Variants in PLXNA4 observed in about 807,000 individuals in gnomAD.
The protein encoded by PLXNA4 is plexin-A4.
A neutral mutation model predicts 191.8 loss-of-function variants in PLXNA4; 44 were observed. That is an observed-to-expected ratio of 0.23 (90% CI 0.18 to 0.29). The LOEUF is 0.29. Ranked by LOEUF, PLXNA4 falls within the 10% of genes least tolerant of loss-of-function variation. PLXNA4 has a pLI of 1.00. For missense variants in PLXNA4, 1,800 were observed against 2,488.8 expected, an observed-to-expected ratio of 0.72 and a Z score of 5.89; for synonymous variants, 1,082 against 1,009.5, an observed-to-expected ratio of 1.07 and a Z score of -1.36.
chr7:132,608,689 C>T (rs1176002789), intron 2 of PLXNA4, among the ~76,000 whole-genome samples: 2 of 152,102 alleles, frequency 1.3e-5, no homozygotes, highest in African/African-American at 4.8e-5. Context: ...CAGCATCCCC[C>T]ACCCCCGCAC....
At chr7:132,636,507 C>T (rs779380971) in intron 2 of PLXNA4, among the ~76,000 whole-genome samples, 11 of 152,184 alleles carry the variant, frequency 7.2e-5, no homozygotes, top group African/African-American at 1.2e-4. Flanking sequence ...TATTATCCCA[C>T]ACTCTCGGCT....
chr7:132,178,878 T>C (rs1175866315), intron 20 of PLXNA4, among the ~76,000 whole-genome samples: 9 of 118,550 alleles, frequency 7.6e-5, no homozygotes, highest in East Asian at 2.9e-4. Flanking sequence ...ACACACAGCC[T>C]CCAGCACTGC....
rs541062490 is a variant in PLXNA4, at chr7:132,385,247, G to A, written c.1372-87025C>T. The A allele has an allele frequency of 1.5e-5, 24 of 1,614,000 alleles. No individual in the cohort carries two copies. In the South Asian group the frequency reaches 1.5e-4, roughly 10 times the overall value. On this transcript the variant is annotated intron_variant, in intron 3 of 31. Coordinates refer to ENST00000321063, the MANE Select transcript of PLXNA4 (RefSeq NM_020911.2). ...AGAGTCACTGTTGCTCTGTGGGATCGGGGTCCCGTCTGTAGCTCAAGGGTA... is the reference window on the plus strand; with the variant it reads ...AGAGTCACTGTTGCTCTGTGGGATCAGGGTCCCGTCTGTAGCTCAAGGGTA...
At chr7:132,152,264 T>C (rs1232485213) in intron 25 of PLXNA4, among the ~76,000 whole-genome samples, 1 of 152,108 alleles carries the variant, frequency 6.6e-6, no homozygotes, top group Non-Finnish European at 1.5e-5. Flanking sequence ...GCTGGGCTCA[T>C]AAAATCTCAT....
intron 4 of PLXNA4, among the ~76,000 whole-genome samples, chr7:132,295,749 C>A (rs1801053876): frequency 6.6e-6 from 1 of 152,136 alleles, no homozygotes. Context: ...CCAGCCCCTG[C>A]CTGACTCTAA....
intron 2 of PLXNA4, among the ~76,000 whole-genome samples, chr7:132,600,652 C>T (rs904989492): frequency 3.3e-5 from 5 of 152,330 alleles, no homozygotes; most frequent in South Asian, 2.1e-4. Context: ...GGATTACAGG[C>T]ATGAACCATG....
intron 3 of PLXNA4, among the ~76,000 whole-genome samples, chr7:132,305,473 G>A (rs1399760178): frequency 1.3e-5 from 2 of 151,142 alleles, no homozygotes; most frequent in Non-Finnish European, 2.9e-5. Flanking sequence ...ATCTTCCAAG[G>A]CAGCCAGCCC....
intron 3 of PLXNA4, among the ~76,000 whole-genome samples, chr7:132,460,615 C>A (rs1293461074): frequency 1.3e-5 from 2 of 152,112 alleles, no homozygotes; most frequent in African/African-American, 4.8e-5. Context: ...AAGTGTGGGA[C>A]TGGAAAAGTC....
chr7:132,611,876 C>G (rs545731860), intron 2 of PLXNA4, among the ~76,000 whole-genome samples: 1 of 152,124 alleles, frequency 6.6e-6, no homozygotes, highest in East Asian at 1.9e-4. Context: ...CACATTCTTT[C>G]CCCTAAAAAA....
intron 2 of PLXNA4, among the ~76,000 whole-genome samples, chr7:132,608,727 C>T (rs1802989471): frequency 6.6e-6 from 1 of 152,188 alleles, no homozygotes; most frequent in Admixed American, 6.5e-5. Flanking sequence ...AACTTGTCTC[C>T]CTGCCTCCAC....
intron 2 of PLXNA4, among the ~76,000 whole-genome samples, chr7:132,598,213 A>C (rs1375874981): frequency 6.6e-6 from 1 of 151,936 alleles, no homozygotes; most frequent in African/African-American, 2.4e-5. Flanking sequence ...GATTCAAGAG[A>C]TTGTTCTGCC....
chr7:132,130,295 C>CTGGAAGAGAAGAGATCCAGG lies in PLXNA4; in HGVS notation c.*164_*183dup. The CTGGAAGAGAAGAGATCCAGG allele has an allele frequency of 3.6e-6, 3 of 832,506 alleles. No homozygotes were observed. Among genetic ancestry groups the CTGGAAGAGAAGAGATCCAGG allele is most frequent in the Non-Finnish European group, 5.5e-6 (3 of 550,372 alleles). 51.6% of individuals were successfully genotyped at this position (832,506 alleles called of 1,614,324 possible). On this transcript the variant is annotated 3_prime_UTR_variant, in exon 32 of 32. Transcript: ENST00000321063. Reference sequence around the variant, plus strand: ...TGGTCCAATCGTGTTGGCAGAGCAACTGGAAGAGAAGAGATCCAGGAAGGA... The same window carrying CTGGAAGAGAAGAGATCCAGG: ...TGGTCCAATCGTGTTGGCAGAGCAACTGGAAGAGAAGAGATCCAGGTGGAAGAGAAGAGATCCAGGAAGGA...
At chr7:132,271,882 A>T (rs1800089180) in intron 4 of PLXNA4, among the ~76,000 whole-genome samples, 1 of 152,256 alleles carries the variant, frequency 6.6e-6, no homozygotes, top group Non-Finnish European at 1.5e-5. Flanking sequence ...TGGTAAAAGG[A>T]AAGAAAGAAA....
At chr7:132,419,973 A>G (rs1334471735) in intron 3 of PLXNA4, among the ~76,000 whole-genome samples, 5 of 152,178 alleles carry the variant, frequency 3.3e-5, no homozygotes, top group Non-Finnish European at 7.3e-5. Flanking sequence ...GGGCTGTACA[A>G]AATCAGAGGT....
At chr7:132,413,015 T>C (rs533140632) in intron 3 of PLXNA4, among the ~76,000 whole-genome samples, 4 of 126,284 alleles carry the variant, frequency 3.2e-5, no homozygotes, top group Non-Finnish European at 5.9e-5. Flanking sequence ...AGTCACTTGA[T>C]AGATGGGGGG....
intron 16 of PLXNA4, among the ~76,000 whole-genome samples, chr7:132,184,046 C>T (rs1796797534): frequency 6.6e-6 from 1 of 152,206 alleles, no homozygotes; most frequent in Non-Finnish European, 1.5e-5. Flanking sequence ...AGCCCACGGA[C>T]TGGAGTTTGC....
intron 4 of PLXNA4, among the ~76,000 whole-genome samples, chr7:132,246,977 T>G (rs1799080972): frequency 6.6e-6 from 1 of 152,182 alleles, no homozygotes; most frequent in African/African-American, 2.4e-5. Context: ...CTCCATCTGA[T>G]GAGCTGAGCC....
chr7:132,594,473 C>T (rs972757895), intron 2 of PLXNA4, among the ~76,000 whole-genome samples: 1 of 152,146 alleles, frequency 6.6e-6, no homozygotes, highest in African/African-American at 2.4e-5. Context: ...TTATGGCAAT[C>T]CTAGGAAACT....
At chr7:132,481,766 A>G (rs1797346904) in intron 3 of PLXNA4, among the ~76,000 whole-genome samples, 1 of 152,134 alleles carries the variant, frequency 6.6e-6, no homozygotes, top group African/African-American at 2.4e-5. Flanking sequence ...CTGATTCAAA[A>G]TCTAAGCATC....
Sources: allele counts gnomAD v4.1 joint callset (sites outside exome capture counted in the v4.1 genomes callset), GRCh38; gene constraint gnomAD v4.1.1; transcripts MANE v1.5; gene names NCBI Gene and HGNC (gene_info 2026-07-23, HGNC 2026-07-21).